Variants in SIRT1 observed in about 807,000 individuals in gnomAD.
SIRT1 encodes sirtuin 1, also known as NAD-dependent protein deacetylase sirtuin-1.
In SIRT1, 24 loss-of-function variants were observed where a neutral mutation model predicts 67.9. The observed-to-expected ratio is 0.35, with a 90% confidence interval of 0.26 to 0.50. The LOEUF (loss-of-function observed/expected upper bound fraction) is 0.50. Among genes scored for constraint, SIRT1 ranks in the 20% least tolerant of loss-of-function variants. SIRT1 has a pLI of 0.98. For synonymous variants in SIRT1, 378 were observed against 350.7 expected (o/e 1.08, Z -0.87); for missense variants, 873 against 937.2 (o/e 0.93, Z 0.89).
intron 4 of SIRT1, 27 bp from the exon 5 acceptor site, chr10:67,906,763 A>AT (rs1842826305): frequency 6.2e-7 from 1 of 1,601,180 alleles, no homozygotes; most frequent in South Asian, 1.1e-5. Context: ...ACTAATGTAA[A>AT]TTTTTTCTAC....
chr10:67,916,443 C>T lies in SIRT1; in HGVS notation c.2094C>T (p.Phe698=). The change falls in exon 9 of 9, where the codon TTC becomes TTT. Residue 698 remains phenylalanine (F), a synonymous_variant. Coordinates refer to ENST00000212015, the MANE Select transcript of SIRT1 (RefSeq NM_012238.5). ...AGGATGAAAGTGAAATTGAAGAATT[C>T]TACAATGGCTTAGAAGATGAGCCTG... ...PMEDESEIEE[F]YNGLEDEPDV... 6.2e-7 allele frequency: 1 copy of T among 1,614,152 alleles called. No homozygotes were observed. The highest frequency in any genetic ancestry group is 8.5e-7 in the Non-Finnish European group (1 of 1,180,028).
intron 7 of SIRT1, among the ~76,000 whole-genome samples, chr10:67,910,154 C>T (rs1057412916): frequency 3.4e-4 from 51 of 151,978 alleles, no homozygotes; most frequent in African/African-American, 1.2e-3. Flanking sequence ...GTAGGTGGAT[C>T]GCTTGAGGGC....
chr10:67,908,379 A>T (rs1842851391), intron 6 of SIRT1, among the ~76,000 whole-genome samples: 1 of 152,232 alleles, frequency 6.6e-6, no homozygotes, highest in Non-Finnish European at 1.5e-5. Context: ...ATGTCAGATC[A>T]TAAGCAAGTT....
At chr10:67,899,508 AT>A (rs1391969954) in intron 4 of SIRT1, among the ~76,000 whole-genome samples, 1 of 151,808 alleles carries the variant, frequency 6.6e-6, no homozygotes. Flanking sequence ...GGGAAAAAAA[AT>A]TTGTGTTGGG....
intron 8 of SIRT1, among the ~76,000 whole-genome samples, chr10:67,914,989 G>T (rs138432236): frequency 6.6e-6 from 1 of 151,522 alleles, no homozygotes; most frequent in African/African-American, 2.4e-5. Flanking sequence ...GCCTCCCAAA[G>T]TGCTGGGATT....
intron 4 of SIRT1, among the ~76,000 whole-genome samples, chr10:67,893,977 T>TA (rs199513884): frequency 0.012 from 1,836 of 151,630 alleles, 31 homozygotes; most frequent in African/African-American, 0.039. Flanking sequence ...CGACTGTCTT[T>TA]AAAAAAAAAG....
intron 3 of SIRT1, 30 bp downstream of exon 3, chr10:67,889,153 T>TA (rs1842530495): frequency 1.3e-6 from 2 of 1,554,478 alleles, no homozygotes; most frequent in Non-Finnish European, 1.7e-6. Context: ...GGGGAGGTCG[T>TA]ATATGTATTT....
chr10:67,905,400 A>G (rs931492408), intron 4 of SIRT1, among the ~76,000 whole-genome samples: 11 of 152,196 alleles, frequency 7.2e-5, no homozygotes, highest in African/African-American at 2.7e-4. Context: ...GCAAAGAGTT[A>G]TTCATGAAAT....
At chr10:67,891,706 C>G in intron 4 of SIRT1, 152 bp downstream of exon 4, 1 of 744,528 alleles carries the variant, frequency 1.3e-6, no homozygotes, top group Non-Finnish European at 2.2e-6. Context: ...GCTAGAATTC[C>G]TTTATTCCTA....
chr10:67,903,766 C>T (rs2131874681), intron 4 of SIRT1, among the ~76,000 whole-genome samples: 1 of 152,274 alleles, frequency 6.6e-6, no homozygotes, highest in East Asian at 1.9e-4. Flanking sequence ...TTGCATGTTT[C>T]CAGACACAGC....
intron 4 of SIRT1, chr10:67,906,409 T>G: frequency 1.1e-6 from 1 of 951,132 alleles, no homozygotes; most frequent in Admixed American, 3.6e-5. Flanking sequence ...TCACCCTACC[T>G]TGATATCTGT....
chr10:67,886,904 T>C (rs531653041), intron 1 of SIRT1, among the ~76,000 whole-genome samples: 1 of 152,096 alleles, frequency 6.6e-6, no homozygotes, highest in Non-Finnish European at 1.5e-5. Flanking sequence ...GGAGTTTCGC[T>C]CTTGTTACCC....
chr10:67,916,239 G>A, intron 8 of SIRT1, 26 bp from the exon 9 acceptor site: 3 of 1,573,754 alleles, frequency 1.9e-6, no homozygotes, highest in Non-Finnish European at 2.6e-6. Context: ...AAAACTGAAA[G>A]TAACATTTTT....
In SIRT1 at chr10:67,885,082, T is replaced by G; in HGVS notation, c.361T>G (p.Tyr121Asp). The G allele has an allele frequency of 6.9e-7, 1 of 1,446,116 alleles. No homozygotes were observed. 89.6% of individuals were successfully genotyped at this position (1,446,116 alleles called of 1,614,324 possible). A position where few individuals can be genotyped will look rare whatever the true frequency, so the allele number is the denominator to read the frequency against. Reference protein sequence around the residue: ...SREPPLADNLYDEDDDDEGEE... With the variant: ...SREPPLADNLDDEDDDDEGEE... ...GGAGCCACCGCTGGCCGACAACTTG[T>G]ACGACGAAGACGACGACGACGAGGG... Residue 121 changes from tyrosine to aspartate, a missense_variant, in exon 1 of 9, where the codon TAC (tyrosine) becomes GAC (aspartate). Physicochemically the swap from Tyr to Asp is radical, Grantham distance 160 (BLOSUM62 -3). Coordinates refer to ENST00000212015, the MANE Select transcript of SIRT1 (RefSeq NM_012238.5).
At chr10:67,890,720 G>A (rs1296297402) in intron 3 of SIRT1, among the ~76,000 whole-genome samples, 2 of 151,404 alleles carry the variant, frequency 1.3e-5, no homozygotes, top group Admixed American at 6.6e-5. Context: ...GCGTCAGAGC[G>A]AAACTGTCTA....
intron 4 of SIRT1, among the ~76,000 whole-genome samples, chr10:67,894,085 CG>C (rs1842616587): frequency 6.6e-6 from 1 of 152,108 alleles, no homozygotes; most frequent in Non-Finnish European, 1.5e-5. Flanking sequence ...GACCAGCCTG[CG>C]CAACACAGTG....
intron 1 of SIRT1, chr10:67,885,398 A>C (rs1392618824): frequency 7.7e-5 from 95 of 1,229,340 alleles, no homozygotes; most frequent in Non-Finnish European, 9.4e-5. Context: ...CGCAGCAGCC[A>C]GGTCGGGAGA....
At chr10:67,895,959 C>T (rs1002546207) in intron 4 of SIRT1, among the ~76,000 whole-genome samples, 1 of 151,854 alleles carries the variant, frequency 6.6e-6, no homozygotes, top group Non-Finnish European at 1.5e-5. Flanking sequence ...TCAGGCTGGT[C>T]TCGAACTCCT....
intron 7 of SIRT1, 144 bp downstream of exon 7, chr10:67,909,586 G>GT: frequency 5.4e-6 from 4 of 746,236 alleles, no homozygotes; most frequent in Non-Finnish European, 7.9e-6. Context: ...TTGTTTGTTT[G>GT]TTTATTGAGA....
Sources: allele counts gnomAD v4.1 joint callset (sites outside exome capture counted in the v4.1 genomes callset), GRCh38; gene constraint gnomAD v4.1.1; transcripts MANE v1.5; gene names NCBI Gene and HGNC (gene_info 2026-07-23, HGNC 2026-07-21).